XKR9: variants seen among roughly 807,000 people sequenced by gnomAD.
XKR9 encodes XK-related protein 9.
A neutral mutation model predicts 32.0 loss-of-function variants in XKR9; 32 were observed. The ratio of observed to expected loss-of-function variants is 1.00; its 90% CI spans 0.76 to 1.34. The LOEUF (loss-of-function observed/expected upper bound fraction) is 1.34. Among genes scored for constraint, XKR9 ranks in the 40% most tolerant of loss-of-function variants. The probability of loss-of-function intolerance (pLI) is 0.00; values close to 1 mark genes in which losing one functional copy is unlikely to be tolerated. For synonymous variants in XKR9, 168 were observed against 143.4 expected (o/e 1.17, Z -1.22); for missense variants, 546 against 429.7 (o/e 1.27, Z -2.39).
the XKR9 span, among the ~76,000 whole-genome samples, chr8:70,812,629 G>A: frequency 6.6e-6 from 1 of 152,118 alleles, no homozygotes; most frequent in Non-Finnish European, 1.5e-5. Flanking sequence ...AAAATTACAA[G>A]CATTCTTATA....
chr8:70,880,616 A>G, the XKR9 span, among the ~76,000 whole-genome samples: 5 of 152,322 alleles, frequency 3.3e-5, no homozygotes, highest in Middle Eastern at 3.4e-3. Flanking sequence ...TCAATGAAAT[A>G]AAAGAGGACA....
the XKR9 span, among the ~76,000 whole-genome samples, chr8:70,870,096 T>C: frequency 1.3e-5 from 2 of 152,348 alleles, no homozygotes; most frequent in East Asian, 3.9e-4. Context: ...CTTTTGTTTT[T>C]TGATGATTTA....
chr8:70,933,530 G>A, the XKR9 span, among the ~76,000 whole-genome samples: 1 of 151,976 alleles, frequency 6.6e-6, no homozygotes, highest in Admixed American at 6.6e-5. Flanking sequence ...AGTAGTTAAT[G>A]GTAGTAAAGA....
intron 3 of XKR9, among the ~76,000 whole-genome samples, chr8:70,685,065 A>G (rs1819216506): frequency 1.3e-5 from 2 of 150,652 alleles, no homozygotes; most frequent in Non-Finnish European, 3.0e-5. Context: ...TTGCAGCACT[A>G]TTCACAATAG....
chr8:70,913,267 T>G, the XKR9 span, among the ~76,000 whole-genome samples: 1 of 152,286 alleles, frequency 6.6e-6, no homozygotes, highest in Non-Finnish European at 1.5e-5. Context: ...GCAATAGCTT[T>G]TTAAATGTTG....
chr8:70,816,707 G>T, the XKR9 span, among the ~76,000 whole-genome samples: 1 of 152,154 alleles, frequency 6.6e-6, no homozygotes, highest in African/African-American at 2.4e-5. Flanking sequence ...CAAGCCCGAA[G>T]AGATTGGGCT....
At chr8:71,016,887 A>G in the XKR9 span, among the ~76,000 whole-genome samples, 1 of 152,132 alleles carries the variant, frequency 6.6e-6, no homozygotes, top group South Asian at 2.1e-4. Flanking sequence ...CCCTGAAAAT[A>G]AAATATGGAT....
At chr8:71,055,007 A>C in the XKR9 span, among the ~76,000 whole-genome samples, 3 of 152,338 alleles carry the variant, frequency 2.0e-5, no homozygotes, top group African/African-American at 7.2e-5. Context: ...ATACAAGAAG[A>C]AGATAAAATA....
chr8:70,731,782 T>C (rs529916756), intron 4 of XKR9, among the ~76,000 whole-genome samples: 1 of 152,178 alleles, frequency 6.6e-6, no homozygotes, highest in Non-Finnish European at 1.5e-5. Flanking sequence ...TCATGGAATG[T>C]AATCAGACAA....
the XKR9 span, among the ~76,000 whole-genome samples, chr8:70,813,362 A>T: frequency 2.0e-5 from 3 of 152,252 alleles, no homozygotes; most frequent in Admixed American, 1.3e-4. Context: ...AGGTATTACC[A>T]TTCAGGACAT....
chr8:70,957,195 G>A, the XKR9 span, among the ~76,000 whole-genome samples: 1 of 152,062 alleles, frequency 6.6e-6, no homozygotes, highest in Non-Finnish European at 1.5e-5. Context: ...TAGGAATCTT[G>A]AGGAAAAAAA....
At chr8:70,814,499 A>AG in the XKR9 span, among the ~76,000 whole-genome samples, 10 of 152,032 alleles carry the variant, frequency 6.6e-5, no homozygotes, top group South Asian at 2.1e-3. Flanking sequence ...GACAGAAAAA[A>AG]AAAACTACAT....
chr8:70,726,345 G>T (rs1011138842), intron 4 of XKR9, among the ~76,000 whole-genome samples: 2 of 152,192 alleles, frequency 1.3e-5, no homozygotes, highest in African/African-American at 2.4e-5. Context: ...TTTTGTTCGT[G>T]CCTGAATTGC....
chr8:71,025,023 A>G, the XKR9 span, among the ~76,000 whole-genome samples: 1 of 152,190 alleles, frequency 6.6e-6, no homozygotes, highest in Non-Finnish European at 1.5e-5. Flanking sequence ...TAAGATTTTT[A>G]TATGTATTGA....
chr8:70,760,067 G>A (rs1347971522), intron 2 of XKR9, among the ~76,000 whole-genome samples: 1 of 152,100 alleles, frequency 6.6e-6, no homozygotes, highest in Non-Finnish European at 1.5e-5. Context: ...GAAGTTACTT[G>A]TTACAGAATG....
intron 2 of XKR9, among the ~76,000 whole-genome samples, chr8:70,763,253 A>C (rs1430111216): frequency 6.6e-6 from 1 of 152,228 alleles, no homozygotes; most frequent in Non-Finnish European, 1.5e-5. Flanking sequence ...ACTCTACTTC[A>C]GAAGCATGAT....
At chr8:70,751,946 G>A (rs149129320) in intron 2 of XKR9, among the ~76,000 whole-genome samples, 16 of 152,262 alleles carry the variant, frequency 1.1e-4, no homozygotes, top group East Asian at 5.8e-4. Flanking sequence ...AATGAAGCCC[G>A]TCTCATGTAT....
the XKR9 span, among the ~76,000 whole-genome samples, chr8:70,815,679 C>T: frequency 8.6e-5 from 13 of 151,960 alleles, no homozygotes; most frequent in Non-Finnish European, 1.5e-4. Context: ...GCGCCCGCCA[C>T]CATGCCCAGC....
At chr8:70,963,834 A>C in the XKR9 span, among the ~76,000 whole-genome samples, 1 of 152,074 alleles carries the variant, frequency 6.6e-6, no homozygotes, top group African/African-American at 2.4e-5. Flanking sequence ...TATCTTGTAA[A>C]TTTGTTTAAG....
Sources: gnomAD v4.1 joint callset for allele counts (sites outside exome capture counted in the v4.1 genomes callset) on GRCh38, gnomAD v4.1.1 for gene constraint, MANE v1.5 for transcripts, NCBI Gene and HGNC (gene_info 2026-07-23, HGNC 2026-07-21) for gene names.